Variants in ZEB1 observed in about 807,000 individuals in gnomAD.
ZEB1 encodes zinc finger E-box-binding homeobox 1.
ZEB1 carries 21 observed loss-of-function variants against 84.9 expected under a neutral mutation model. That is an observed-to-expected ratio of 0.25 (90% CI 0.18 to 0.36). The LOEUF (loss-of-function observed/expected upper bound fraction) is 0.36. ZEB1 is among the 10% of genes least tolerant of loss of function. The pLI, the probability that ZEB1 is intolerant of heterozygous loss-of-function variation, is 1.00. For synonymous variants in ZEB1, 420 were observed against 471.1 expected (o/e 0.89, Z 1.41); for missense variants, 1,104 against 1,330.2 (o/e 0.83, Z 2.65).
At chr10:31,412,099 A>G (rs1318725991) in intron 1 of ZEB1, among the ~76,000 whole-genome samples, 1 of 152,232 alleles carries the variant, frequency 6.6e-6, no homozygotes, top group Non-Finnish European at 1.5e-5. Flanking sequence ...TTCTTTGCAG[A>G]TTTAGTGAAA....
chr10:31,386,949 G>A (rs1433749315), intron 1 of ZEB1, among the ~76,000 whole-genome samples: 1 of 152,162 alleles, frequency 6.6e-6, no homozygotes, highest in Non-Finnish European at 1.5e-5. Context: ...AGTAATATTT[G>A]AAACATGCAG....
chr10:31,517,375 A>G (rs929497914), intron 6 of ZEB1, among the ~76,000 whole-genome samples: 5 of 152,046 alleles, frequency 3.3e-5, no homozygotes, highest in African/African-American at 1.2e-4. Flanking sequence ...CTCCACTCAG[A>G]TTAGAGACAA....
intron 4 of ZEB1, among the ~76,000 whole-genome samples, chr10:31,504,979 T>A (rs1026229907): frequency 6.6e-6 from 1 of 152,154 alleles, no homozygotes; most frequent in African/African-American, 2.4e-5. Flanking sequence ...TTTCCAATAC[T>A]GTGTTGAATA....
chr10:31,454,377 C>T (rs1304662582), intron 1 of ZEB1, among the ~76,000 whole-genome samples: 1 of 152,170 alleles, frequency 6.6e-6, no homozygotes, highest in Non-Finnish European at 1.5e-5. Context: ...TCTCTCACCA[C>T]TCCTATTCAA....
intron 2 of ZEB1, among the ~76,000 whole-genome samples, chr10:31,468,104 G>T (rs915362107): frequency 6.6e-6 from 1 of 152,106 alleles, no homozygotes; most frequent in African/African-American, 2.4e-5. Flanking sequence ...CTAGAGTGTT[G>T]TTCCAGCTGC....
At chr10:31,345,549 C>T (rs2040158113) in intron 1 of ZEB1, among the ~76,000 whole-genome samples, 1 of 152,086 alleles carries the variant, frequency 6.6e-6, no homozygotes. Flanking sequence ...AAAACCAAAT[C>T]AACTGCTAAC....
intron 1 of ZEB1, among the ~76,000 whole-genome samples, chr10:31,447,255 T>A (rs2059911701): frequency 6.6e-6 from 1 of 151,458 alleles, no homozygotes; most frequent in African/African-American, 2.4e-5. Context: ...TTTTTAATTT[T>A]CCATTTGCTT....
intron 4 of ZEB1, among the ~76,000 whole-genome samples, chr10:31,507,873 G>C (rs748029939): frequency 5.3e-5 from 8 of 151,612 alleles, no homozygotes; most frequent in Non-Finnish European, 1.2e-4. Flanking sequence ...TGTATTTTTT[G>C]GAGGTGTCAT....
Position 31,524,017 on chromosome 10 carries a change from A to T in ZEB1, c.2689A>T (p.Met897Leu), listed in dbSNP as rs905064760. 4.3e-6 allele frequency: 7 copies of T among 1,613,900 alleles called. No homozygotes were observed. The Admixed American group carries it at 8.3e-5, about 19-fold the overall frequency. Reference sequence around the variant, plus strand: ...TGATTCTACACCGCCCAAAAAGAAAATGCGGAAGACAGAAAATGGAATGTA... The same window carrying T: ...TGATTCTACACCGCCCAAAAAGAAATTGCGGAAGACAGAAAATGGAATGTA... ...DSDSTPPKKK[M>L]RKTENGMYAC... is the part of the protein sequence containing the mutation. The change falls in exon 8 of 9, where the codon ATG (methionine) becomes TTG (leucine). Residue 897 changes from methionine (M) to leucine (L), a missense_variant. By Grantham distance (15) the Met-to-Leu change is conservative (BLOSUM62 2). Coordinates refer to ENST00000424869, the MANE Select transcript of ZEB1 (RefSeq NM_001174096.2).
In ZEB1 at chr10:31,412,202, A is replaced by G. The variant is rs1464314704; in HGVS notation, c.59-48835A>G. ...TTTATAAACTAAATGAGAAGGGAAT[A>G]CTAATTTTTAAATTATGATGTCACT... On this transcript the variant is annotated intron_variant, in intron 1 of 8. Coordinates refer to ENST00000424869, the MANE Select transcript of ZEB1 (RefSeq NM_001174096.2). Among the ~76,000 whole-genome samples, 7 of 152,356 alleles carry G rather than the reference A, an allele frequency of 4.6e-5. No homozygotes were observed. In the East Asian group the frequency reaches 1.3e-3, roughly 29 times the overall value.
intron 6 of ZEB1, among the ~76,000 whole-genome samples, chr10:31,518,360 A>T (rs187823833): frequency 6.6e-6 from 1 of 152,290 alleles, no homozygotes; most frequent in Admixed American, 6.5e-5. Flanking sequence ...GAAGTTTAAG[A>T]ATACATATAG....
chr10:31,480,119 C>T (rs1288436861), intron 2 of ZEB1, among the ~76,000 whole-genome samples: 1 of 151,926 alleles, frequency 6.6e-6, no homozygotes, highest in Admixed American at 6.6e-5. Context: ...TTAGCTATTT[C>T]TTAATGTTTT....
At position 31,510,663 on chromosome 10, in the gene ZEB1, T is replaced by A; in HGVS notation, c.485-10T>A. 1 of 1,609,574 alleles carries A rather than the reference T, an allele frequency of 6.2e-7. No individual in the cohort carries two copies. Among genetic ancestry groups the A allele is most frequent in the Non-Finnish European group, 8.5e-7 (1 of 1,176,600 alleles). ...TTTTAAATTTAAAATATATGATCTT[T>A]CTTTTACAGGAACACCAGATGCATT... is the stretch of plus-strand genomic sequence containing the variant. On this transcript the variant is annotated splice_polypyrimidine_tract_variant and intron_variant, in intron 4 of 8. Coordinates refer to ENST00000424869, the MANE Select transcript of ZEB1 (RefSeq NM_001174096.2).
At chr10:31,361,587 C>G (rs999763507) in intron 1 of ZEB1, among the ~76,000 whole-genome samples, 1 of 152,062 alleles carries the variant, frequency 6.6e-6, no homozygotes, top group African/African-American at 2.4e-5. Flanking sequence ...GCACTCCTCA[C>G]TTCCCAGACG....
chr10:31,373,091 T>A, intron 1 of ZEB1: 1 of 985,570 alleles, frequency 1.0e-6, no homozygotes, highest in Non-Finnish European at 1.2e-6. Flanking sequence ...AAATGTCATT[T>A]TGTGATTTGG....
intron 1 of ZEB1, among the ~76,000 whole-genome samples, chr10:31,393,255 T>C (rs2050109359): frequency 6.6e-6 from 1 of 152,170 alleles, no homozygotes; most frequent in African/African-American, 2.4e-5. Flanking sequence ...TTTGGTTTTG[T>C]TTTTATTCCT....
intron 1 of ZEB1, among the ~76,000 whole-genome samples, chr10:31,449,769 A>G (rs530735904): frequency 1.3e-5 from 2 of 152,168 alleles, no homozygotes; most frequent in Admixed American, 1.3e-4. Flanking sequence ...TATTTTTCTG[A>G]ATTTTCCTGA....
intron 1 of ZEB1, among the ~76,000 whole-genome samples, chr10:31,460,396 G>A (rs1165773864): frequency 6.6e-6 from 1 of 152,132 alleles, no homozygotes; most frequent in Non-Finnish European, 1.5e-5. Flanking sequence ...TCTAAAGTCA[G>A]TGTTGGATTA....
At chr10:31,350,515 G>A (rs1352052181) in intron 1 of ZEB1, among the ~76,000 whole-genome samples, 1 of 152,144 alleles carries the variant, frequency 6.6e-6, no homozygotes, top group African/African-American at 2.4e-5. Flanking sequence ...ACCTCATGGA[G>A]ACTTTGGTAA....
Sources: allele counts gnomAD v4.1 joint callset (sites outside exome capture counted in the v4.1 genomes callset), GRCh38; gene constraint gnomAD v4.1.1; transcripts MANE v1.5; gene names NCBI Gene and HGNC (gene_info 2026-07-23, HGNC 2026-07-21).